The following DIS3L variants were observed in gnomAD, a reference collection of about 807,000 sequenced individuals.
DIS3L encodes the protein DIS3-like exonuclease 1.
DIS3L carries 100 observed loss-of-function variants against 120.3 expected under a neutral mutation model. The observed-to-expected ratio is 0.83, with a 90% confidence interval of 0.71 to 0.98. The LOEUF (loss-of-function observed/expected upper bound fraction) is 0.98. Among genes scored for constraint, DIS3L ranks in the 50% least tolerant of loss-of-function variants. DIS3L has a pLI of 0.00. For missense variants in DIS3L, 1,196 were observed against 1,314.2 expected (o/e 0.91, Z 1.39); for synonymous variants, 426 against 470.6 (o/e 0.91, Z 1.23).
At position 66,326,261 on chromosome 15, in the gene DIS3L, T is replaced by G; in HGVS notation, c.2098T>G (p.Phe700Val). Residue 700 changes from phenylalanine to valine, a missense_variant, in exon 12 of 17, where the codon TTC (phenylalanine) becomes GTC (valine). Coordinates refer to ENST00000319212, the MANE Select transcript of DIS3L (RefSeq NM_001143688.3). ...HWVAKKIWES[F>V]PHQALLRQHP... ...GGTCGCCAAAAAGATCTGGGAGAGC[T>G]TCCCTCATCAGGCCTTGCTGCGCCA... 6.2e-7 allele frequency: 1 copy of G among 1,614,082 alleles called. No homozygotes were observed. Among genetic ancestry groups the G allele is most frequent in the African/African-American group, 1.3e-5 (1 of 75,032 alleles).
chr15:66,315,751 G>T (rs535087860), intron 7 of DIS3L, among the ~76,000 whole-genome samples: 1 of 152,130 alleles, frequency 6.6e-6, no homozygotes, highest in Non-Finnish European at 1.5e-5. Context: ...TTAACTCCAC[G>T]TTCTCTCTTC....
At chr15:66,296,381 GAATATACTA>G (rs1324800595) in intron 2 of DIS3L, among the ~76,000 whole-genome samples, 1 of 151,938 alleles carries the variant, frequency 6.6e-6, no homozygotes, top group Non-Finnish European at 1.5e-5. Context: ...CCATGTCTTT[GAATATACTA>G]AATGTGAAAA....
At chr15:66,313,973 C>T in intron 5 of DIS3L, 66 bp from the exon 6 acceptor site, 2 of 1,378,064 alleles carry the variant, frequency 1.5e-6, no homozygotes, top group Non-Finnish European at 2.0e-6. Context: ...AAAAACTGGA[C>T]CTTTTGGAGA....
intron 3 of DIS3L, 78 bp downstream of exon 3, chr15:66,307,030 C>G: frequency 1.3e-6 from 2 of 1,570,654 alleles, no homozygotes; most frequent in Non-Finnish European, 1.7e-6. Context: ...GGGAGTTGAT[C>G]TAAATAGTCT....
At chr15:66,302,798 G>A (rs1170945012) in intron 2 of DIS3L, among the ~76,000 whole-genome samples, 2 of 152,162 alleles carry the variant, frequency 1.3e-5, no homozygotes, top group South Asian at 4.1e-4. Flanking sequence ...TTGCCAAGTA[G>A]CATAGCTTTA....
intron 8 of DIS3L, among the ~76,000 whole-genome samples, chr15:66,320,051 G>A (rs1223285191): frequency 1.3e-5 from 2 of 151,902 alleles, no homozygotes; most frequent in Non-Finnish European, 2.9e-5. Flanking sequence ...TTGAACCCGG[G>A]AGGCATAGGC....
At chr15:66,331,849 A>G (rs187403905) in intron 14 of DIS3L, 26 bp from the exon 15 acceptor site, 9 of 1,526,604 alleles carry the variant, frequency 5.9e-6, no homozygotes, top group Non-Finnish European at 7.9e-6. Flanking sequence ...GAGTGTTAAA[A>G]TGCTTTGGAG....
At chr15:66,302,832 A>T (rs1221582497) in intron 2 of DIS3L, among the ~76,000 whole-genome samples, 1 of 152,222 alleles carries the variant, frequency 6.6e-6, no homozygotes, top group Non-Finnish European at 1.5e-5. Flanking sequence ...TAAAATGTAC[A>T]TACATAAAGT....
rs775370022 is a variant in DIS3L, at chr15:66,329,009, C to T, written c.2241C>T (p.Asn747=). 59 of 1,613,752 alleles carry T rather than the reference C, an allele frequency of 3.7e-5. No individual in the cohort carries two copies. The highest frequency in any genetic ancestry group is 2.0e-4 in the African/African-American group (15 of 74,906). Residue 747 remains asparagine, a synonymous_variant, in exon 13 of 17, where the codon AAC becomes AAT. Coordinates refer to ENST00000319212, the MANE Select transcript of DIS3L (RefSeq NM_001143688.3). ...TGGCTGATTCTCTGGATAATGCGAA[C>T]GACCCCCACGATCCCATTGTGAACA... ...KTLADSLDNA[N]DPHDPIVNRL... is the part of the protein sequence containing the mutation.
At chr15:66,331,850 T>C (rs2093000997) in intron 14 of DIS3L, 25 bp from the exon 15 acceptor site, 2 of 1,525,522 alleles carry the variant, frequency 1.3e-6, no homozygotes, top group Middle Eastern at 1.7e-4. Context: ...AGTGTTAAAA[T>C]GCTTTGGAGT....
intron 6 of DIS3L, 142 bp downstream of exon 6, chr15:66,314,259 G>T: frequency 1.8e-6 from 1 of 561,932 alleles, no homozygotes; most frequent in Non-Finnish European, 2.8e-6. Context: ...GATTGTGGCG[G>T]GGGGTGGTTC....
At chr15:66,314,005 T>C (rs2092791818) in intron 5 of DIS3L, 34 bp from the exon 6 acceptor site, 8 of 1,520,778 alleles carry the variant, frequency 5.3e-6, no homozygotes, top group Non-Finnish European at 7.1e-6. Flanking sequence ...GAAAAGAACA[T>C]TTTTCATATT....
chr15:66,317,433 G>A (rs1302765372), intron 7 of DIS3L, among the ~76,000 whole-genome samples: 2 of 151,716 alleles, frequency 1.3e-5, no homozygotes, highest in African/African-American at 4.8e-5. Flanking sequence ...AAAGTGTTGT[G>A]TATCAGTCTT....
At chr15:66,312,130 C>T (rs1180426229) in intron 5 of DIS3L, among the ~76,000 whole-genome samples, 1 of 151,574 alleles carries the variant, frequency 6.6e-6, no homozygotes, top group Non-Finnish European at 1.5e-5. Flanking sequence ...ATCACTTCAG[C>T]CTGGATGGTT....
intron 14 of DIS3L, chr15:66,329,781 A>T (rs1018166133): frequency 2.2e-5 from 21 of 936,058 alleles, no homozygotes; most frequent in Non-Finnish European, 2.4e-5. Context: ...GTGTGATGGC[A>T]CGCGCCTGTA....
intron 14 of DIS3L, 94 bp downstream of exon 14, chr15:66,329,493 GCAA>G: frequency 7.2e-7 from 1 of 1,385,546 alleles, no homozygotes; most frequent in Non-Finnish European, 9.5e-7. Flanking sequence ...ATATATTCTA[GCAA>G]ATTAAATTCT....
chr15:66,320,516 T>A (rs974572247), intron 8 of DIS3L, 55 bp from the exon 9 acceptor site: 2 of 1,547,192 alleles, frequency 1.3e-6, no homozygotes, highest in African/African-American at 2.7e-5. Context: ...ATGCCTCTAA[T>A]TGACCCACTT....
intron 5 of DIS3L, 52 bp downstream of exon 5, chr15:66,311,952 T>C: frequency 6.3e-7 from 1 of 1,594,814 alleles, no homozygotes; most frequent in Non-Finnish European, 8.6e-7. Context: ...GGCTCATGCC[T>C]GTAATCCCAG....
chr15:66,313,458 C>T (rs1301037104), intron 5 of DIS3L, among the ~76,000 whole-genome samples: 1 of 152,024 alleles, frequency 6.6e-6, no homozygotes, highest in Non-Finnish European at 1.5e-5. Flanking sequence ...TTCCTACCCA[C>T]GCATGGTTTC....
Sources: gnomAD v4.1 joint callset for allele counts (sites outside exome capture counted in the v4.1 genomes callset) on GRCh38, gnomAD v4.1.1 for gene constraint, MANE v1.5 for transcripts, NCBI Gene and HGNC (gene_info 2026-07-23, HGNC 2026-07-21) for gene names.